The following CRADD variants were observed in gnomAD, a reference collection of about 807,000 sequenced individuals.
The protein encoded by CRADD is death domain-containing protein CRADD.
Under a neutral mutation model 15.5 loss-of-function variants are expected in CRADD, and 9 were observed. The observed-to-expected ratio is 0.58, with a 90% CI of 0.35 to 1.01. CRADD has a LOEUF of 1.01. Ranked by LOEUF, CRADD falls within the 50% of genes least tolerant of loss-of-function variation. CRADD has a pLI of 0.02. For synonymous variants in CRADD, 118 were observed against 107.6 expected, an observed-to-expected ratio of 1.10 and a Z score of -0.60; for missense variants, 227 against 250.3, an observed-to-expected ratio of 0.91 and a Z score of 0.63.
chr12:93,865,675 G>T (rs796858111), intron 2 of CRADD, among the ~76,000 whole-genome samples: 38 of 152,234 alleles, frequency 2.5e-4, no homozygotes, highest in African/African-American at 8.7e-4. Flanking sequence ...GAAAGTGCTG[G>T]AATTATGTGA....
At chr12:93,745,348 C>T (rs542473331) in intron 2 of CRADD, among the ~76,000 whole-genome samples, 1 of 152,276 alleles carries the variant, frequency 6.6e-6, no homozygotes, top group African/African-American at 2.4e-5. Flanking sequence ...GGATGATCAA[C>T]AGATGCAAGG....
chr12:93,845,979 C>CT (rs746149898), intron 2 of CRADD, among the ~76,000 whole-genome samples: 58 of 151,820 alleles, frequency 3.8e-4, no homozygotes, highest in Non-Finnish European at 6.5e-4. Context: ...CAGCATTCTG[C>CT]TTTCTGTATC....
chr12:93,811,548 A>AT (rs1461557852), intron 2 of CRADD, among the ~76,000 whole-genome samples: 12 of 152,252 alleles, frequency 7.9e-5, no homozygotes, highest in Admixed American at 4.6e-4. Flanking sequence ...ATCAACCCAA[A>AT]TTTGAATCTC....
At chr12:93,798,339 T>G (rs1427270196) in intron 2 of CRADD, among the ~76,000 whole-genome samples, 1 of 152,148 alleles carries the variant, frequency 6.6e-6, no homozygotes, top group Non-Finnish European at 1.5e-5. Context: ...GGTTTTTGTG[T>G]TTTTTTCTGG....
intron 2 of CRADD, among the ~76,000 whole-genome samples, chr12:93,846,040 G>A (rs1190020469): frequency 6.7e-6 from 1 of 149,888 alleles, no homozygotes; most frequent in Non-Finnish European, 1.5e-5. Context: ...GAAAGTATTT[G>A]TCCTTTTGTG....
In CRADD at chr12:93,738,410, T is replaced by A. The variant is rs6538450; in HGVS notation, c.298+59338T>A. The A allele has an allele frequency of 0.13, 93,084 of 702,116 alleles. 11,190 individuals are homozygous for A. Among genetic ancestry groups the A allele is most frequent in the African/African-American group, 0.41 (23,728 of 57,232 alleles). 43.5% of individuals were successfully genotyped at this position (702,116 alleles called of 1,614,324 possible). ...ATTCTTCCATGAGATGCAGTTGCCA[T>A]CATCAGGCTTCCTAGAGAATTGAGC... is the stretch of plus-strand genomic sequence containing the variant. On this transcript the variant is annotated intron_variant, in intron 2 of 2. Coordinates refer to ENST00000332896, the MANE Select transcript of CRADD (RefSeq NM_003805.5).
chr12:93,891,971 T>C (rs1036932507), intron 2 of CRADD, among the ~76,000 whole-genome samples: 3 of 152,238 alleles, frequency 2.0e-5, no homozygotes, highest in African/African-American at 7.2e-5. Context: ...ATGTCATAGA[T>C]TATGGTTTAT....
intron 2 of CRADD, among the ~76,000 whole-genome samples, chr12:93,741,117 CTCTT>C (rs2136928261): frequency 1.3e-5 from 2 of 152,250 alleles, no homozygotes; most frequent in Non-Finnish European, 2.9e-5. Flanking sequence ...TTTTGTGTAT[CTCTT>C]GTGTGTCATT....
chr12:93,754,004 C>T (rs1259958356), intron 2 of CRADD, among the ~76,000 whole-genome samples: 4 of 152,264 alleles, frequency 2.6e-5, no homozygotes, highest in Admixed American at 6.5e-5. Context: ...TCCATGAGCG[C>T]TCCGCCCCTG....
chr12:93,749,889 G>A (rs1956810861), intron 2 of CRADD, among the ~76,000 whole-genome samples: 1 of 152,086 alleles, frequency 6.6e-6, no homozygotes, highest in South Asian at 2.1e-4. Flanking sequence ...GTGCTGATTT[G>A]CTTTATAGAA....
At chr12:93,701,309 C>CAT (rs1955840592) in intron 2 of CRADD, among the ~76,000 whole-genome samples, 2 of 151,572 alleles carry the variant, frequency 1.3e-5, no homozygotes, top group South Asian at 4.2e-4. Context: ...CACACACACA[C>CAT]ACACACACAC....
intron 2 of CRADD, among the ~76,000 whole-genome samples, chr12:93,876,311 A>G (rs1958457440): frequency 6.6e-6 from 1 of 152,136 alleles, no homozygotes; most frequent in African/African-American, 2.4e-5. Flanking sequence ...CTTTAGGTTA[A>G]ATATGCTTGG....
intron 2 of CRADD, among the ~76,000 whole-genome samples, chr12:93,859,788 A>G (rs1482569086): frequency 1.3e-5 from 2 of 152,038 alleles, no homozygotes; most frequent in Admixed American, 1.3e-4. Context: ...GCAGTGGTGT[A>G]ATCACGGCTC....
chr12:93,738,586 C>G (rs1462867712), intron 2 of CRADD: 4 of 648,114 alleles, frequency 6.2e-6, no homozygotes, highest in African/African-American at 3.6e-5. Flanking sequence ...ACCGCCACCC[C>G]CTGCACCACA....
chr12:93,771,786 C>T (rs1006331442), intron 2 of CRADD, among the ~76,000 whole-genome samples: 10 of 152,208 alleles, frequency 6.6e-5, no homozygotes, highest in African/African-American at 2.4e-4. Context: ...GGGTTCTAGA[C>T]ATGACCTCAC....
chr12:93,884,723 G>T (rs1958524409), intron 2 of CRADD, among the ~76,000 whole-genome samples: 1 of 152,114 alleles, frequency 6.6e-6, no homozygotes, highest in Non-Finnish European at 1.5e-5. Flanking sequence ...ATGTGCCCGT[G>T]AGCCTAATCT....
intron 2 of CRADD, among the ~76,000 whole-genome samples, chr12:93,769,931 C>T (rs543836915): frequency 2.0e-5 from 3 of 152,040 alleles, no homozygotes; most frequent in Non-Finnish European, 4.4e-5. Flanking sequence ...TGTCTTCTTC[C>T]ACTCTGTGGC....
chr12:93,866,917 C>T (rs957826662), intron 2 of CRADD, among the ~76,000 whole-genome samples: 2 of 152,098 alleles, frequency 1.3e-5, no homozygotes, highest in Non-Finnish European at 1.5e-5. Flanking sequence ...TTCAACTGTG[C>T]CATGTATCCC....
At chr12:93,750,468 T>C (rs890771011) in intron 2 of CRADD, among the ~76,000 whole-genome samples, 2 of 152,218 alleles carry the variant, frequency 1.3e-5, no homozygotes, top group Non-Finnish European at 2.9e-5. Flanking sequence ...AAGATAACTC[T>C]AAAGGTTTTG....
Sources: gnomAD v4.1 joint callset for allele counts (sites outside exome capture counted in the v4.1 genomes callset) on GRCh38, gnomAD v4.1.1 for gene constraint, MANE v1.5 for transcripts, NCBI Gene and HGNC (gene_info 2026-07-23, HGNC 2026-07-21) for gene names.